The following MKLN1 variants were observed in gnomAD, a reference collection of about 807,000 sequenced individuals.
MKLN1 encodes muskelin.
In MKLN1, 18 loss-of-function variants were observed where a neutral mutation model predicts 99.0. The observed-to-expected ratio is 0.18, with a 90% confidence interval of 0.13 to 0.27. The LOEUF is 0.27. Among genes scored for constraint, MKLN1 ranks in the 10% least tolerant of loss-of-function variants. The probability of loss-of-function intolerance (pLI) is 1.00; values close to 1 mark genes in which losing one functional copy is unlikely to be tolerated. For synonymous variants in MKLN1, 288 were observed against 293.2 expected (o/e 0.98, Z 0.18); for missense variants, 621 against 875.9 (o/e 0.71, Z 3.67).
intron 3 of MKLN1, among the ~76,000 whole-genome samples, chr7:131,287,688 C>A (rs1030564165): frequency 2.0e-5 from 3 of 151,992 alleles, no homozygotes; most frequent in Non-Finnish European, 4.4e-5. Context: ...ATCATTCAAC[C>A]CATTATAGCC....
chr7:131,414,568 C>A, intron 7 of MKLN1, 77 bp from the exon 8 acceptor site: 1 of 991,088 alleles, frequency 1.0e-6, no homozygotes, highest in Non-Finnish European at 1.5e-6. Context: ...CTACTGATTA[C>A]AGACTTATGA....
intron 3 of MKLN1, among the ~76,000 whole-genome samples, chr7:131,251,093 A>ATGTGTGTGTGTG (rs34359037): frequency 6.8e-6 from 1 of 146,162 alleles, no homozygotes; most frequent in African/African-American, 2.5e-5. Context: ...TGGGGCCCAG[A>ATGTGTGTGTGTG]TGTGTGTGTG....
intron 17 of MKLN1, among the ~76,000 whole-genome samples, chr7:131,479,950 G>A (rs942572235): frequency 1.3e-5 from 2 of 151,626 alleles, no homozygotes; most frequent in Non-Finnish European, 2.9e-5. Context: ...GAACCCAGGA[G>A]GGGGAGGTTG....
intron 5 of MKLN1, among the ~76,000 whole-genome samples, chr7:131,398,191 T>A (rs1280016673): frequency 6.6e-6 from 1 of 152,168 alleles, no homozygotes; most frequent in Non-Finnish European, 1.5e-5. Context: ...GTTTGAATAG[T>A]GGTATACTTA....
chr7:131,410,666 GA>G (rs1794847506), intron 6 of MKLN1, among the ~76,000 whole-genome samples: 1 of 152,096 alleles, frequency 6.6e-6, no homozygotes, highest in Non-Finnish European at 1.5e-5. Context: ...AGGATCCAAT[GA>G]ATCCATGTCA....
In MKLN1 at chr7:131,438,600, G is replaced by GTCATTA. The variant is rs559032387; in HGVS notation, c.1173+609_1173+614dup. 2.0e-3 allele frequency among the ~76,000 whole-genome samples: 305 copies of GTCATTA among 151,548 alleles called. 3 individuals carry two copies. The highest frequency in any genetic ancestry group is 6.9e-3 in the African/African-American group (285 of 41,302). The stretch of plus-strand genomic sequence containing the variant: ...TGTAGCTCTCATTAGCCCCATCATT[G>GTCATTA]TCATTATCATTGTTACCTGTCTTTG... On this transcript the variant is annotated intron_variant, in intron 10 of 17. Coordinates refer to ENST00000352689, the MANE Select transcript of MKLN1 (RefSeq NM_013255.5).
At chr7:131,234,275 C>T (rs779195107) in intron 3 of MKLN1, among the ~76,000 whole-genome samples, 1 of 152,102 alleles carries the variant, frequency 6.6e-6, no homozygotes, top group African/African-American at 2.4e-5. Context: ...ACACCACGCC[C>T]GGCCTTTATT....
intron 1 of MKLN1, among the ~76,000 whole-genome samples, chr7:131,361,970 G>A (rs1800043276): frequency 6.6e-6 from 1 of 151,938 alleles, no homozygotes; most frequent in Non-Finnish European, 1.5e-5. Flanking sequence ...AGTATGTATA[G>A]TTTATTCATT....
At position 131,466,267 on chromosome 7, in the gene MKLN1, T is replaced by C. The variant is rs752651786; in HGVS notation, c.1789-9T>C. 6.4e-7 allele frequency: 1 copy of C among 1,567,664 alleles called. No individual in the cohort carries two copies. Among genetic ancestry groups the C allele is most frequent in the Non-Finnish European group, 8.7e-7 (1 of 1,153,302 alleles). On this transcript the variant is annotated splice_polypyrimidine_tract_variant and intron_variant, in intron 14 of 17. Transcript: ENST00000352689. ...TTTTTAAAAATCTGGCTTATTTTGC[T>C]TATTATAGGTTCATTACTTATTTGG...
intron 9 of MKLN1, among the ~76,000 whole-genome samples, chr7:131,437,348 A>T (rs886724255): frequency 6.6e-6 from 1 of 152,160 alleles, no homozygotes; most frequent in Non-Finnish European, 1.5e-5. Flanking sequence ...ATATTCTTGG[A>T]GTACCTCTTT....
chr7:131,192,095 T>TAC (rs1363102682), intron 2 of MKLN1, among the ~76,000 whole-genome samples: 2 of 80,782 alleles, frequency 2.5e-5, no homozygotes, highest in Non-Finnish European at 5.0e-5. Context: ...ATTATATATA[T>TAC]ATGTATATAT....
chr7:131,140,187 T>C (rs1426150750), intron 1 of MKLN1, among the ~76,000 whole-genome samples: 1 of 152,200 alleles, frequency 6.6e-6, no homozygotes, highest in Non-Finnish European at 1.5e-5. Context: ...TCTTAGTCTT[T>C]TTCTTGCTCG....
intron 3 of MKLN1, among the ~76,000 whole-genome samples, chr7:131,269,814 T>A (rs1797858219): frequency 6.6e-6 from 1 of 152,258 alleles, no homozygotes; most frequent in African/African-American, 2.4e-5. Context: ...TATCATCTCA[T>A]ATAAAGAGGA....
intron 2 of MKLN1, among the ~76,000 whole-genome samples, chr7:131,183,195 A>G (rs326227): frequency 0.33 from 50,082 of 152,046 alleles, 8,558 homozygotes; most frequent in Middle Eastern, 0.49. Flanking sequence ...GACTTCTTAC[A>G]TTTCAGTGGC....
rs540056836 is a variant in MKLN1, at chr7:131,178,147, G to A, written c.-296-24710G>A. Among the ~76,000 whole-genome samples the A allele has an allele frequency of 3.3e-5, 5 of 152,156 alleles. No individual in the cohort carries two copies. In the East Asian group the frequency reaches 5.8e-4, roughly 18 times the overall value. ...TTTTTGGTTTTTGAGACGGAGTTTCGCTTTTGTCACCCAGGCTGAAGTGCA... is the reference window on the plus strand; with the variant it reads ...TTTTTGGTTTTTGAGACGGAGTTTCACTTTTGTCACCCAGGCTGAAGTGCA... On this transcript the variant is annotated intron_variant, in intron 2 of 7. Coordinates refer to the MKLN1 transcript ENST00000416992.
At chr7:131,448,631 A>G (rs537789878) in intron 12 of MKLN1, among the ~76,000 whole-genome samples, 43 of 152,210 alleles carry the variant, frequency 2.8e-4, no homozygotes, top group Non-Finnish European at 3.8e-4. Flanking sequence ...TTTACATTAA[A>G]TTGTGGGATT....
chr7:131,470,164 G>GT (rs1329599859), intron 15 of MKLN1, among the ~76,000 whole-genome samples: 5 of 152,088 alleles, frequency 3.3e-5, no homozygotes, highest in South Asian at 2.1e-4. Context: ...ACAGCACCCT[G>GT]TTTTTTTGTT....
chr7:131,250,369 T>C (rs530207824), intron 3 of MKLN1, among the ~76,000 whole-genome samples: 5 of 152,262 alleles, frequency 3.3e-5, no homozygotes, highest in African/African-American at 1.2e-4. Context: ...CGGTGTCCCC[T>C]AAAGGAGGCT....
intron 3 of MKLN1, among the ~76,000 whole-genome samples, chr7:131,226,166 T>C (rs1797144559): frequency 6.6e-6 from 1 of 152,182 alleles, no homozygotes; most frequent in Non-Finnish European, 1.5e-5. Context: ...CTTTCCTCCT[T>C]CAATGCCAGA....
Sources: gnomAD v4.1 joint callset for allele counts (sites outside exome capture counted in the v4.1 genomes callset) on GRCh38, gnomAD v4.1.1 for gene constraint, MANE v1.5 for transcripts, NCBI Gene and HGNC (gene_info 2026-07-23, HGNC 2026-07-21) for gene names.